STXBP3: variants seen among roughly 807,000 people sequenced by gnomAD.
STXBP3 encodes the protein syntaxin binding protein 3, also known as syntaxin-binding protein 3.
In STXBP3, 41 loss-of-function variants were observed where a neutral mutation model predicts 85.7. The observed-to-expected ratio is 0.48, with a 90% CI of 0.37 to 0.62. The LOEUF (loss-of-function observed/expected upper bound fraction) is 0.62. Among genes scored for constraint, STXBP3 ranks in the 20% least tolerant of loss-of-function variants. The pLI is 0.00. For synonymous variants in STXBP3, 229 were observed against 231.7 expected (o/e 0.99, Z 0.10); for missense variants, 563 against 703.1 (o/e 0.80, Z 2.25).
At chr1:108,786,807 CA>C (rs1662839768) in intron 11 of STXBP3, among the ~76,000 whole-genome samples, 1 of 152,196 alleles carries the variant, frequency 6.6e-6, no homozygotes, top group African/African-American at 2.4e-5. Context: ...ACAATTTCAA[CA>C]GAAACATTTA....
At position 108,776,322 on chromosome 1, in the gene STXBP3, TC is replaced by T; in HGVS notation, c.594-9del. ...GAAAGATAATTGTTTGATCCTTTTT[TC>T]CATTTCTAGTAAACCTCTAGATAAT... On this transcript the variant is annotated splice_polypyrimidine_tract_variant and intron_variant, in intron 7 of 18. Transcript: ENST00000370008. The T allele has an allele frequency of 6.3e-7, 1 of 1,583,702 alleles. No individual in the cohort carries two copies. The highest frequency in any genetic ancestry group is 8.6e-7 in the Non-Finnish European group (1 of 1,161,828).
At chr1:108,750,073 C>T (rs1661869189) in intron 1 of STXBP3, among the ~76,000 whole-genome samples, 1 of 151,918 alleles carries the variant, frequency 6.6e-6, no homozygotes, top group African/African-American at 2.4e-5. Flanking sequence ...CAATGCAGTT[C>T]TAAGGTTTCA....
Position 108,794,676 on chromosome 1 carries a change from A to T in STXBP3, c.1030-151A>T, listed in dbSNP as rs547533832. ...TCACCTGTAAATCACCTTCTCATTT[A>T]CTTCCTTTCTTGAGCTGTTCCCTTG... On this transcript the variant is annotated intron_variant, in intron 12 of 18. Transcript: ENST00000370008. 7 of 620,376 alleles carry T rather than the reference A, an allele frequency of 1.1e-5. No homozygotes were observed. The East Asian group carries it at 2.0e-4, about 18-fold the overall frequency. The allele number at this position is 620,376 out of a possible 1,614,324, so 38.4% of individuals were successfully genotyped here. A position where few individuals can be genotyped will look rare whatever the true frequency, so the allele number is the denominator to read the frequency against.
intron 13 of STXBP3, among the ~76,000 whole-genome samples, chr1:108,795,767 G>T (rs1487702072): frequency 1.3e-5 from 2 of 152,092 alleles, no homozygotes; most frequent in African/African-American, 2.4e-5. Context: ...TTTGTATTTT[G>T]TATAAACAAT....
intron 11 of STXBP3, among the ~76,000 whole-genome samples, chr1:108,784,692 T>G (rs1662789016): frequency 6.6e-6 from 1 of 150,860 alleles, no homozygotes; most frequent in African/African-American, 2.4e-5. Flanking sequence ...AAAGTCCAAG[T>G]CCAGAGTTTC....
At chr1:108,756,890 G>T (rs1052028187) in intron 4 of STXBP3, 124 bp downstream of exon 4, 2 of 572,394 alleles carry the variant, frequency 3.5e-6, no homozygotes, top group Non-Finnish European at 5.5e-6. Context: ...AAACTAGTTT[G>T]CTTAGGAAAG....
intron 17 of STXBP3, among the ~76,000 whole-genome samples, chr1:108,804,115 A>C (rs1663282522): frequency 6.6e-6 from 1 of 152,096 alleles, no homozygotes; most frequent in African/African-American, 2.4e-5. Context: ...TACATCTTTC[A>C]TAAATTCTTC....
chr1:108,788,803 T>G (rs1331679042), intron 11 of STXBP3, among the ~76,000 whole-genome samples: 2 of 152,180 alleles, frequency 1.3e-5, no homozygotes. Context: ...GGCTCACGTC[T>G]GTAATCCCAG....
At chr1:108,771,016 C>T (rs1662380777) in intron 6 of STXBP3, among the ~76,000 whole-genome samples, 1 of 151,984 alleles carries the variant, frequency 6.6e-6, no homozygotes, top group Non-Finnish European at 1.5e-5. Flanking sequence ...GGGTTACTCT[C>T]TAATGGGTTA....
chr1:108,793,419 G>A (rs1663020714), intron 11 of STXBP3, among the ~76,000 whole-genome samples, 163 bp from the exon 12 acceptor site: 1 of 151,846 alleles, frequency 6.6e-6, no homozygotes, highest in Admixed American at 6.6e-5. Flanking sequence ...CTACGTTATT[G>A]TGAGTGAAAC....
At chr1:108,805,535 C>G (rs1300945686) in intron 17 of STXBP3, among the ~76,000 whole-genome samples, 1 of 149,488 alleles carries the variant, frequency 6.7e-6, no homozygotes, top group African/African-American at 2.5e-5. Context: ...AGCGATTCTT[C>G]TGCCTCAGTT....
rs1448114294 is a variant in STXBP3 at position 108,807,502 on chromosome 1, G to A, written c.1637G>A (p.Cys546Tyr). ...GGGATCACATACTCTGAAGTGCGTT[G>A]TGCTTATGAAGTTTCTCAGGCACAT... is the stretch of plus-strand genomic sequence containing the variant. ...IGGITYSEVR[C>Y]AYEVSQAHKS... The change falls in exon 18 of 19, where the codon TGT (cysteine) becomes TAT (tyrosine). Residue 546 changes from cysteine to tyrosine, a missense_variant. Coordinates refer to ENST00000370008, the MANE Select transcript of STXBP3 (RefSeq NM_007269.4). 1 of 1,612,380 alleles carries A rather than the reference G, an allele frequency of 6.2e-7. No individual in the cohort carries two copies. Among genetic ancestry groups the A allele is most frequent in the Non-Finnish European group, 8.5e-7 (1 of 1,179,624 alleles).
At position 108,801,579 on chromosome 1, in the gene STXBP3, C is replaced by T. The variant is rs576331416; in HGVS notation, c.1535+1274C>T. ...CACTTCAAGCCTGTATGGCTTCCAT[C>T]CTCTACTGATCAAGCTGAGTGTGGG... On this transcript the variant is annotated intron_variant, in intron 17 of 18. Coordinates refer to ENST00000370008, the MANE Select transcript of STXBP3 (RefSeq NM_007269.4). Among the ~76,000 whole-genome samples, 4 of 152,226 alleles carry T rather than the reference C, an allele frequency of 2.6e-5. No individual in the cohort carries two copies. The East Asian group carries it at 5.8e-4, about 22-fold the overall frequency.
chr1:108,747,110 G>GCCGCGCTCCCCACTCCCCCGCTCCCGT (rs1553194444), intron 1 of STXBP3, among the ~76,000 whole-genome samples: 1 of 147,394 alleles, frequency 6.8e-6, no homozygotes, highest in African/African-American at 2.5e-5. Context: ...CGTGCCCTCG[G>GCCGCGCTCCCCACTCCCCCGCTCCCGT]CCGCGCTCCC....
At chr1:108,756,409 G>A (rs1662018486) in intron 3 of STXBP3, among the ~76,000 whole-genome samples, 1 of 151,842 alleles carries the variant, frequency 6.6e-6, no homozygotes, top group Admixed American at 6.6e-5. Flanking sequence ...ATTTTAATGA[G>A]TAATTCATGT....
chr1:108,807,557 T>C lies in STXBP3; in HGVS notation c.1684+8T>C. ...CCTGTGAAGTTATTATTGGTAAGAC[T>C]TTCATTTTCTTCTTTTCTGTTTTTT... On this transcript the variant is annotated splice_region_variant and intron_variant, in intron 18 of 18. Coordinates refer to ENST00000370008, the MANE Select transcript of STXBP3 (RefSeq NM_007269.4). The C allele has an allele frequency of 6.3e-7, 1 of 1,582,550 alleles. No homozygotes were observed. The highest frequency in any genetic ancestry group is 1.4e-5 in the African/African-American group (1 of 72,388).
chr1:108,796,587 G>A, intron 14 of STXBP3, 33 bp from the exon 15 acceptor site: 3 of 1,572,362 alleles, frequency 1.9e-6, no homozygotes, highest in Non-Finnish European at 2.6e-6. Context: ...TAGCAATTGT[G>A]TGATTGTGCA....
rs183364460 is a variant in STXBP3 at position 108,799,776 on chromosome 1, T to C, written c.1450-444T>C. On this transcript the variant is annotated intron_variant, in intron 16 of 18. Coordinates refer to ENST00000370008, the MANE Select transcript of STXBP3 (RefSeq NM_007269.4). ...CATACATATATCATAAAATCTAACA[T>C]TGAAAAAAGGGAAAATTTTAAAGAA... Among the ~76,000 whole-genome samples the C allele has an allele frequency of 6.4e-3, 970 of 152,176 alleles. 7 individuals are homozygous for C. The highest frequency in any genetic ancestry group is 0.01 in the Non-Finnish European group (701 of 68,008).
At chr1:108,797,445 C>T (rs1000436588) in intron 15 of STXBP3, among the ~76,000 whole-genome samples, 17 of 147,482 alleles carry the variant, frequency 1.2e-4, no homozygotes, top group Non-Finnish European at 2.5e-4. Context: ...CAGAGGCTCT[C>T]TCTGTAGCAC....
Sources: allele counts gnomAD v4.1 joint callset (sites outside exome capture counted in the v4.1 genomes callset), GRCh38; gene constraint gnomAD v4.1.1; transcripts MANE v1.5; gene names NCBI Gene and HGNC (gene_info 2026-07-23, HGNC 2026-07-21).